The following GOLGA1 variants were observed in gnomAD, a reference collection of about 807,000 sequenced individuals.
GOLGA1 encodes golgin subfamily A member 1.
GOLGA1 carries 63 observed loss-of-function variants against 119.7 expected under a neutral mutation model. That is an observed-to-expected ratio of 0.53 (90% CI 0.43 to 0.65). The LOEUF (loss-of-function observed/expected upper bound fraction) is 0.65. Among genes scored for constraint, GOLGA1 ranks in the 30% least tolerant of loss-of-function variants. The probability of loss-of-function intolerance (pLI) is 0.00; values close to 1 mark genes in which losing one functional copy is unlikely to be tolerated. For synonymous variants in GOLGA1, 318 were observed against 333.4 expected (o/e 0.95, Z 0.50); for missense variants, 798 against 912.8 (o/e 0.87, Z 1.62).
At chr9:124,887,413 T>A (rs988572230) in intron 19 of GOLGA1, 1 of 152,090 alleles carries the variant, frequency 6.6e-6, no homozygotes, top group Admixed American at 6.5e-5. Flanking sequence ...GGTGGTTACA[T>A]GGGTCTGCTT....
intron 19 of GOLGA1, chr9:124,887,675 A>G (rs1486895225): frequency 6.5e-6 from 1 of 153,404 alleles, no homozygotes; most frequent in Non-Finnish European, 1.5e-5. Context: ...GGCCAGAGCA[A>G]TAGCCGGCTG....
intron 12 of GOLGA1, among the ~76,000 whole-genome samples, chr9:124,900,973 T>TC: frequency 6.7e-6 from 1 of 149,990 alleles, no homozygotes. Flanking sequence ...ACACAGTATT[T>TC]TTTTTTTTTT....
At chr9:124,921,965 C>T (rs1379024918) in intron 8 of GOLGA1, 73 bp from the exon 9 acceptor site, 7 of 1,270,708 alleles carry the variant, frequency 5.5e-6, no homozygotes, top group African/African-American at 3.0e-5. Context: ...TGCTGGCTCA[C>T]GCCTGTAATC....
chr9:124,892,977 A>G (rs148378873), intron 15 of GOLGA1, among the ~76,000 whole-genome samples: 1 of 151,958 alleles, frequency 6.6e-6, no homozygotes, highest in Admixed American at 6.6e-5. Flanking sequence ...GTAAACATAT[A>G]AGAGTTTTCT....
intron 10 of GOLGA1, among the ~76,000 whole-genome samples, chr9:124,920,897 T>C (rs1244810736): frequency 2.1e-5 from 3 of 145,574 alleles, no homozygotes; most frequent in African/African-American, 5.0e-5. Context: ...GTCGACCAAA[T>C]GGTGTACTTT....
intron 15 of GOLGA1, among the ~76,000 whole-genome samples, chr9:124,893,036 T>C (rs1348820445): frequency 1.3e-5 from 2 of 152,218 alleles, no homozygotes; most frequent in African/African-American, 4.8e-5. Context: ...GTTCTTGCTC[T>C]ATCACCCAGG....
chr9:124,932,472 G>C (rs1335377777), intron 3 of GOLGA1, among the ~76,000 whole-genome samples: 3 of 152,140 alleles, frequency 2.0e-5, no homozygotes, highest in African/African-American at 4.8e-5. Context: ...TACCACTTAC[G>C]AGCTGTAAGA....
rs1421555471 is a variant in GOLGA1, at chr9:124,888,846, C to G, written c.1761+297G>C. Among the ~76,000 whole-genome samples, 1 of 152,190 alleles carries G rather than the reference C, an allele frequency of 6.6e-6. No homozygotes were observed. Among genetic ancestry groups the G allele is most frequent in the African/African-American group, 2.4e-5 (1 of 41,456 alleles). ...TCCCGAGTAGCTGGGACTACAGGCACTCGCCACCACGCCTAGCTAATTTTT... is the reference window on the plus strand; with the variant it reads ...TCCCGAGTAGCTGGGACTACAGGCAGTCGCCACCACGCCTAGCTAATTTTT... On this transcript the variant is annotated intron_variant, in intron 18 of 22. Transcript: ENST00000373555. This position sits in a 1 kb window ranked among gnomAD's most constrained non-coding sequence, Gnocchi z 4.4.
intron 12 of GOLGA1, among the ~76,000 whole-genome samples, chr9:124,904,316 G>C (rs1367329189): frequency 6.6e-6 from 1 of 152,126 alleles, no homozygotes; most frequent in African/African-American, 2.4e-5. Flanking sequence ...TAAGTATAGA[G>C]TTTCTGTTTG....
intron 19 of GOLGA1, 54 bp from the exon 20 acceptor site, chr9:124,882,623 A>C: frequency 3.5e-6 from 5 of 1,414,792 alleles, no homozygotes; most frequent in Non-Finnish European, 5.0e-6. Context: ...TGTTTCACCA[A>C]AGGAAACAGA....
rs1161532249 is a variant in GOLGA1 at position 124,938,761 on chromosome 9, G to A, written c.-50C>T. 1.3e-6 allele frequency: 2 copies of A among 1,540,656 alleles called. No individual in the cohort carries two copies. The highest frequency in any genetic ancestry group is 2.8e-5 in the African/African-American group (2 of 71,932). ...AGATGACGAGCTCTCAGTAGTCCTG[G>A]TGCCTGTGTTCAGGATTCAGACAGA... On this transcript the variant is annotated 5_prime_UTR_variant, in exon 3 of 23. Transcript: ENST00000373555.
rs1400022279 is a variant in GOLGA1 at position 124,881,977 on chromosome 9, G to T, written c.1966-23C>A. The T allele has an allele frequency of 6.4e-6, 10 of 1,569,628 alleles. No individual in the cohort carries two copies. The highest frequency in any genetic ancestry group is 8.7e-6 in the Non-Finnish European group (10 of 1,150,288). On this transcript the variant is annotated intron_variant, in intron 20 of 22. Transcript: ENST00000373555. The surrounding 1 kb of genome is among the most constrained non-coding windows in gnomAD (Gnocchi z 4.9). ...TTTCTGAAAAACCAGTGGGAAAGATGCTACACCGAACCCTCTGAGACAGGT... is the reference window on the plus strand; with the variant it reads ...TTTCTGAAAAACCAGTGGGAAAGATTCTACACCGAACCCTCTGAGACAGGT...
chr9:124,888,155 G>A lies in GOLGA1; in HGVS notation c.1905+98C>T, dbSNP rs1052396506. 1.5e-5 allele frequency: 17 copies of A among 1,166,542 alleles called. No homozygotes were observed. In the South Asian group the frequency reaches 1.9e-4, roughly 13 times the overall value. 72.3% of individuals were successfully genotyped at this position (1,166,542 alleles called of 1,614,324 possible). A position where few individuals can be genotyped will look rare whatever the true frequency, so the allele number is the denominator to read the frequency against. ...GGTCATGGTTGCCAGGAGGTGCGGG[G>A]GAAACCACAAAAACCTCCAAGGATG... On this transcript the variant is annotated intron_variant, in intron 19 of 22. Coordinates refer to ENST00000373555, the MANE Select transcript of GOLGA1 (RefSeq NM_002077.4). This position sits in a 1 kb window ranked among gnomAD's most constrained non-coding sequence, Gnocchi z 4.4.
chr9:124,947,628 A>G (rs1254801143), intron 1 of GOLGA1: 2 of 152,214 alleles, frequency 1.3e-5, no homozygotes, highest in Non-Finnish European at 2.9e-5. Context: ...ATACCAATAT[A>G]TTTACAAATA....
At chr9:124,892,932 CAA>C (rs11464433) in intron 15 of GOLGA1, among the ~76,000 whole-genome samples, 8 of 114,612 alleles carry the variant, frequency 7.0e-5, no homozygotes, top group Admixed American at 1.8e-4. Flanking sequence ...AATTCCATCT[CAA>C]AAAAAAAAAA....
intron 15 of GOLGA1, among the ~76,000 whole-genome samples, chr9:124,894,231 G>C (rs1052103237): frequency 1.5e-4 from 23 of 152,156 alleles, no homozygotes; most frequent in African/African-American, 5.3e-4. Context: ...CGTCTTCTCT[G>C]TCGGCCCCTC....
chr9:124,889,105 C>T (rs117067893), intron 18 of GOLGA1, 38 bp downstream of exon 18: 28,732 of 1,554,220 alleles, frequency 0.018, 308 homozygotes, highest in Non-Finnish European at 0.022. Flanking sequence ...TGCCCTGCAT[C>T]TTGCTGTAGC....
At chr9:124,944,112 T>G (rs1588107478), upstream of GOLGA1, 1 of 152,140 alleles carries the variant, frequency 6.6e-6, no homozygotes, top group Non-Finnish European at 1.5e-5. Context: ...CAAGGTTTAT[T>G]AAAAATAAGC....
chr9:124,898,109 CCT>C (rs1830018139), intron 15 of GOLGA1, among the ~76,000 whole-genome samples: 1 of 152,102 alleles, frequency 6.6e-6, no homozygotes, highest in East Asian at 1.9e-4. Flanking sequence ...GTACATGGTC[CCT>C]GATATAAACA....
Sources: gnomAD v4.1 joint callset for allele counts (sites outside exome capture counted in the v4.1 genomes callset) on GRCh38, gnomAD v4.1.1 for gene constraint, Gnocchi (gnomAD v3.1) non-coding constraint, MANE v1.5 for transcripts, NCBI Gene and HGNC (gene_info 2026-07-23, HGNC 2026-07-21) for gene names.